Variants in ZNF609 observed in about 807,000 individuals in gnomAD.
ZNF609 encodes the protein zinc finger protein 609.
ZNF609 carries 11 observed loss-of-function variants against 109.5 expected under a neutral mutation model. The observed-to-expected ratio is 0.10, with a 90% CI of 0.06 to 0.17. ZNF609 has a LOEUF of 0.17. ZNF609 is among the 10% of genes least tolerant of loss of function. The probability of loss-of-function intolerance (pLI) is 1.00; values close to 1 mark genes in which losing one functional copy is unlikely to be tolerated. For missense variants in ZNF609, 1,559 were observed against 1,772.4 expected, an observed-to-expected ratio of 0.88 and a Z score of 2.16; for synonymous variants, 646 against 662.0, an observed-to-expected ratio of 0.98 and a Z score of 0.37.
chr15:64,635,891 G>A (rs1896166268), intron 3 of ZNF609, among the ~76,000 whole-genome samples: 1 of 151,718 alleles, frequency 6.6e-6, no homozygotes, highest in African/African-American at 2.4e-5. Flanking sequence ...CTGAAACAAG[G>A]GGCTGTTCTC....
At chr15:64,539,867 C>T (rs1318660924) in intron 2 of ZNF609, among the ~76,000 whole-genome samples, 1 of 151,562 alleles carries the variant, frequency 6.6e-6, no homozygotes, top group African/African-American at 2.4e-5. Context: ...AAACTCCTGA[C>T]CCCAGATGAT....
At chr15:64,613,967 A>G (rs1214009466) in intron 2 of ZNF609, among the ~76,000 whole-genome samples, 3 of 151,902 alleles carry the variant, frequency 2.0e-5, no homozygotes, top group Admixed American at 6.6e-5. Flanking sequence ...TCTATCACCC[A>G]GGCTGGAGTG....
intron 2 of ZNF609, among the ~76,000 whole-genome samples, chr15:64,583,493 G>A (rs1223637692): frequency 6.6e-6 from 1 of 152,098 alleles, no homozygotes; most frequent in Non-Finnish European, 1.5e-5. Flanking sequence ...CATTGATGAG[G>A]GACCATCCAC....
At chr15:64,515,370 G>T (rs2140360521) in intron 2 of ZNF609, among the ~76,000 whole-genome samples, 1 of 152,274 alleles carries the variant, frequency 6.6e-6, no homozygotes, top group African/African-American at 2.4e-5. Context: ...TTTTCATGTT[G>T]AAAAGCTGAG....
At chr15:64,637,373 CTATA>C in intron 3 of ZNF609, among the ~76,000 whole-genome samples, 1 of 152,232 alleles carries the variant, frequency 6.6e-6, no homozygotes, top group East Asian at 1.9e-4. Flanking sequence ...CTATTTGGGA[CTATA>C]TATACATATT....
At chr15:64,508,970 A>G (rs2140356474) in intron 2 of ZNF609, among the ~76,000 whole-genome samples, 1 of 152,294 alleles carries the variant, frequency 6.6e-6, no homozygotes, top group South Asian at 2.1e-4. Context: ...TTGGGATTAC[A>G]GGTGTAAGCC....
intron 2 of ZNF609, among the ~76,000 whole-genome samples, chr15:64,510,880 C>T (rs1392766517): frequency 6.6e-6 from 1 of 151,838 alleles, no homozygotes; most frequent in Non-Finnish European, 1.5e-5. Flanking sequence ...TGAGCCAGAC[C>T]TGGGCATTAA....
intron 1 of ZNF609, among the ~76,000 whole-genome samples, chr15:64,487,398 G>A (rs912977430): frequency 6.6e-6 from 1 of 152,124 alleles, no homozygotes; most frequent in Non-Finnish European, 1.5e-5. Context: ...AGTATAATAT[G>A]TATGTAGTAA....
At chr15:64,653,601 G>A (rs758356265) in intron 3 of ZNF609, among the ~76,000 whole-genome samples, 7 of 152,074 alleles carry the variant, frequency 4.6e-5, no homozygotes, top group South Asian at 2.1e-4. Context: ...AGCTGAGATC[G>A]TGCCACTGCA....
intron 2 of ZNF609, among the ~76,000 whole-genome samples, chr15:64,615,150 G>C (rs375349058): frequency 2.8e-4 from 42 of 151,832 alleles, no homozygotes; most frequent in African/African-American, 1.0e-3. Flanking sequence ...TTTGAAGACA[G>C]TATCTCATTC....
chr15:64,517,440 A>G (rs960966627), intron 2 of ZNF609, among the ~76,000 whole-genome samples: 6 of 152,176 alleles, frequency 3.9e-5, no homozygotes, highest in Non-Finnish European at 7.3e-5. Context: ...TTATAACAAA[A>G]TTAATGTTTT....
intron 2 of ZNF609, among the ~76,000 whole-genome samples, chr15:64,573,090 A>G (rs938637869): frequency 3.3e-5 from 5 of 152,218 alleles, no homozygotes; most frequent in Non-Finnish European, 7.3e-5. Flanking sequence ...TACCTAGAAC[A>G]GTGCCAACGT....
At chr15:64,513,228 T>A (rs190273419) in intron 2 of ZNF609, among the ~76,000 whole-genome samples, 9 of 152,314 alleles carry the variant, frequency 5.9e-5, no homozygotes, top group Admixed American at 3.9e-4. Context: ...AAACTCATCA[T>A]ACAAAGTGAC....
chr15:64,493,442 G>C (rs1414382776), intron 1 of ZNF609, among the ~76,000 whole-genome samples: 1 of 152,224 alleles, frequency 6.6e-6, no homozygotes, highest in Non-Finnish European at 1.5e-5. Context: ...GGGAGTCAAA[G>C]AGATGGATGT....
intron 2 of ZNF609, among the ~76,000 whole-genome samples, chr15:64,617,006 C>A (rs1170857112): frequency 6.6e-6 from 1 of 151,182 alleles, no homozygotes; most frequent in African/African-American, 2.4e-5. Flanking sequence ...TGGGGTTTCA[C>A]CATGTTGGCC....
chr15:64,578,948 G>A (rs906946845), intron 2 of ZNF609, among the ~76,000 whole-genome samples: 1 of 152,102 alleles, frequency 6.6e-6, no homozygotes, highest in Non-Finnish European at 1.5e-5. Context: ...GCTGCAGTGA[G>A]CTTTGATAGG....
chr15:64,501,140 T>C (rs1018639795), intron 2 of ZNF609: 2 of 152,344 alleles, frequency 1.3e-5, no homozygotes, highest in African/African-American at 4.8e-5. Flanking sequence ...CTCTGTGCTC[T>C]GCTCATCCTG....
chr15:64,590,291 A>G (rs1455467481), intron 2 of ZNF609, among the ~76,000 whole-genome samples: 1 of 152,088 alleles, frequency 6.6e-6, no homozygotes, highest in East Asian at 1.9e-4. Context: ...TAGGGGAGAG[A>G]GCGTATGGGA....
intron 3 of ZNF609, among the ~76,000 whole-genome samples, chr15:64,627,346 T>C (rs967221010): frequency 1.3e-5 from 2 of 152,070 alleles, no homozygotes; most frequent in African/African-American, 4.8e-5. Context: ...GCTTGTGTGG[T>C]ATTTTAAAGA....
Sources: gnomAD v4.1 joint callset for allele counts (sites outside exome capture counted in the v4.1 genomes callset) on GRCh38, gnomAD v4.1.1 for gene constraint, MANE v1.5 for transcripts, NCBI Gene and HGNC (gene_info 2026-07-23, HGNC 2026-07-21) for gene names.